Variants in L3MBTL4 observed in about 807,000 individuals in gnomAD.
L3MBTL4 encodes lethal(3)malignant brain tumor-like protein 4.
Under a neutral mutation model 84.5 loss-of-function variants are expected in L3MBTL4, and 70 were observed. The observed-to-expected ratio is 0.83, with a 90% CI of 0.68 to 1.01. The LOEUF (loss-of-function observed/expected upper bound fraction) is 1.01, where lower values mean the gene tolerates loss of function less well. L3MBTL4 is among the 50% of genes least tolerant of loss of function. The probability of loss-of-function intolerance (pLI) is 0.00; values close to 1 mark genes in which losing one functional copy is unlikely to be tolerated. For synonymous variants in L3MBTL4, 274 were observed against 259.8 expected (o/e 1.05, Z -0.52); for missense variants, 715 against 754.8 (o/e 0.95, Z 0.62).
chr18:6,277,601 T>C (rs1019003284), intron 4 of L3MBTL4, among the ~76,000 whole-genome samples: 34 of 152,206 alleles, frequency 2.2e-4, no homozygotes, highest in African/African-American at 7.7e-4. Flanking sequence ...TAAATATTAA[T>C]GTGGGAGAGC....
intron 13 of L3MBTL4, among the ~76,000 whole-genome samples, chr18:6,158,292 T>C (rs774632771): frequency 3.9e-5 from 6 of 152,162 alleles, no homozygotes; most frequent in African/African-American, 7.2e-5. Flanking sequence ...AAATGAAAAA[T>C]AATAGTGATT....
intron 1 of L3MBTL4, among the ~76,000 whole-genome samples, chr18:6,382,505 T>TG (rs1467891513): frequency 6.6e-6 from 1 of 152,208 alleles, no homozygotes; most frequent in East Asian, 1.9e-4. Context: ...GACCTTCAGA[T>TG]GGGGTCTCTG....
intron 1 of L3MBTL4, among the ~76,000 whole-genome samples, chr18:6,314,582 T>G (rs1224038508): frequency 2.0e-5 from 3 of 152,220 alleles, no homozygotes; most frequent in African/African-American, 7.2e-5. Context: ...GATTTGTATT[T>G]CTGTATAAAA....
intron 12 of L3MBTL4, among the ~76,000 whole-genome samples, chr18:6,179,465 C>T (rs2145322403): frequency 6.6e-6 from 1 of 152,298 alleles, no homozygotes; most frequent in Non-Finnish European, 1.5e-5. Context: ...TCCTGTGATG[C>T]CAGGCTCTGG....
At chr18:6,114,766 T>C (rs967033561) in intron 14 of L3MBTL4, among the ~76,000 whole-genome samples, 1 of 152,242 alleles carries the variant, frequency 6.6e-6, no homozygotes, top group Non-Finnish European at 1.5e-5. Context: ...ATCTTATTGG[T>C]TTCCATCCAC....
intron 14 of L3MBTL4, among the ~76,000 whole-genome samples, chr18:6,102,482 T>C (rs1428141786): frequency 6.6e-6 from 1 of 152,240 alleles, no homozygotes; most frequent in African/African-American, 2.4e-5. Context: ...TCTAGAAAGA[T>C]TAATCAAGCC....
chr18:6,328,585 G>A (rs554052106), intron 1 of L3MBTL4, among the ~76,000 whole-genome samples: 37 of 152,158 alleles, frequency 2.4e-4, no homozygotes, highest in Non-Finnish European at 4.4e-4. Flanking sequence ...ATGAAAACAC[G>A]CTATATGCAG....
At chr18:6,163,308 G>GTGT (rs1260518041) in intron 13 of L3MBTL4, among the ~76,000 whole-genome samples, 6,289 of 77,908 alleles carry the variant, frequency 0.081, 424 homozygotes, top group Middle Eastern at 0.12. Context: ...TGTGTGTGTG[G>GTGT]GTGGGTGTGT....
At chr18:5,984,333 C>T (rs1405974158) in intron 16 of L3MBTL4, among the ~76,000 whole-genome samples, 3 of 152,228 alleles carry the variant, frequency 2.0e-5, no homozygotes, top group African/African-American at 7.2e-5. Context: ...ATTGCTGAAT[C>T]CCATTATTGA....
At chr18:6,240,752 C>G (rs1053015944) in intron 8 of L3MBTL4, among the ~76,000 whole-genome samples, 2 of 152,188 alleles carry the variant, frequency 1.3e-5, no homozygotes, top group Non-Finnish European at 2.9e-5. Context: ...TATAACACTG[C>G]TTTCAAGATC....
chr18:6,177,796 C>A (rs543284629), intron 12 of L3MBTL4, among the ~76,000 whole-genome samples: 1 of 152,164 alleles, frequency 6.6e-6, no homozygotes, highest in African/African-American at 2.4e-5. Flanking sequence ...CACTGGTGTT[C>A]CTTTTTGGAA....
rs199766253 is a variant in L3MBTL4, at chr18:6,311,558, C to A, written c.68G>T (p.Arg23Leu). Residue 23 changes from arginine to leucine, a missense_variant, in exon 3 of 19, where the codon CGC (arginine) becomes CTC (leucine). Physicochemically the swap from Arg to Leu is moderately radical, Grantham distance 102. Transcript: ENST00000317931. ...GTCCAGGGATGGACATCTTACCAAG[C>A]GTCCGTCCTGATCCAAACGCTCTTT... ...DSKERLDQDG[R>L]LEQAEEEKKP... 7 of 1,612,336 alleles carry A rather than the reference C, an allele frequency of 4.3e-6. No homozygotes were observed. The African/African-American group carries it at 8.0e-5, about 18-fold the overall frequency.
rs150476719 is a variant in L3MBTL4 at position 6,349,752 on chromosome 18, G to T, written c.-90-37696C>A. On this transcript the variant is annotated intron_variant, in intron 1 of 18. Coordinates refer to ENST00000317931, the MANE Select transcript of L3MBTL4 (RefSeq NM_001330559.2). ...AAAAAAAAAGAATACACACTGATTT[G>T]ACTGATATAAGCTCAAGAATATGCA... Among the ~76,000 whole-genome samples the T allele has an allele frequency of 6.6e-4, 100 of 152,176 alleles. 1 individual carries two copies. In the East Asian group the frequency reaches 0.019, roughly 29 times the overall value.
intron 14 of L3MBTL4, among the ~76,000 whole-genome samples, chr18:6,103,021 A>G (rs2058884936): frequency 6.6e-6 from 1 of 152,232 alleles, no homozygotes; most frequent in African/African-American, 2.4e-5. Flanking sequence ...GGTATAAAGT[A>G]CACTCAAGGA....
At chr18:6,133,270 C>T (rs950350997) in intron 14 of L3MBTL4, among the ~76,000 whole-genome samples, 3 of 151,872 alleles carry the variant, frequency 2.0e-5, no homozygotes, top group African/African-American at 4.8e-5. Flanking sequence ...TATGGCCAAG[C>T]GTGTGTGAGG....
intron 14 of L3MBTL4, among the ~76,000 whole-genome samples, chr18:6,127,419 A>G (rs902044907): frequency 3.9e-5 from 6 of 152,188 alleles, no homozygotes; most frequent in Non-Finnish European, 7.3e-5. Flanking sequence ...TACATGATGA[A>G]CATGTTATTG....
intron 12 of L3MBTL4, among the ~76,000 whole-genome samples, chr18:6,180,342 T>C (rs572019511): frequency 6.6e-6 from 1 of 152,228 alleles, no homozygotes; most frequent in East Asian, 1.9e-4. Flanking sequence ...AATTTCCAGA[T>C]GACTGTGACT....
At chr18:6,183,823 T>G (rs2044596710) in intron 12 of L3MBTL4, among the ~76,000 whole-genome samples, 1 of 152,146 alleles carries the variant, frequency 6.6e-6, no homozygotes, top group Non-Finnish European at 1.5e-5. Context: ...ACTCTAAGTA[T>G]TCTAAGGATG....
chr18:6,122,660 G>T (rs1048163234), intron 14 of L3MBTL4, among the ~76,000 whole-genome samples: 3 of 152,162 alleles, frequency 2.0e-5, no homozygotes, highest in Non-Finnish European at 4.4e-5. Flanking sequence ...GCAGTCTTGG[G>T]TATGTCTTTA....
Sources: allele counts gnomAD v4.1 joint callset (sites outside exome capture counted in the v4.1 genomes callset), GRCh38; gene constraint gnomAD v4.1.1; transcripts MANE v1.5; gene names NCBI Gene and HGNC (gene_info 2026-07-23, HGNC 2026-07-21).